Variants in TEAD1 observed in about 807,000 individuals in gnomAD.
TEAD1 encodes the protein transcriptional enhancer factor TEF-1.
Under a neutral mutation model 54.9 loss-of-function variants are expected in TEAD1, and 9 were observed. The ratio of observed to expected loss-of-function variants is 0.16; its 90% CI spans 0.10 to 0.29. The LOEUF is 0.29. Among genes scored for constraint, TEAD1 ranks in the 10% least tolerant of loss-of-function variants. The pLI is 1.00. For synonymous variants in TEAD1, 200 were observed against 187.8 expected, an observed-to-expected ratio of 1.07 and a Z score of -0.53; for missense variants, 387 against 535.9, an observed-to-expected ratio of 0.72 and a Z score of 2.74.
At position 12,691,353 on chromosome 11, in the gene TEAD1, C is replaced by A. The variant is rs139769787; in HGVS notation, c.-55+15792C>A. On this transcript the variant is annotated intron_variant, in intron 2 of 12. Coordinates refer to ENST00000527636, the MANE Select transcript of TEAD1 (RefSeq NM_021961.6). ...TGTGTATTCTGGGAGATAGAATGAA[C>A]CATTTCTGCAGAGTTTGGGTTCCTT... 3.9e-3 allele frequency among the ~76,000 whole-genome samples: 587 copies of A among 152,158 alleles called. 2 individuals are homozygous for A. The highest frequency in any genetic ancestry group is 0.013 in the African/African-American group (558 of 41,484).
At chr11:12,719,958 T>G (rs1330879956) in intron 2 of TEAD1, among the ~76,000 whole-genome samples, 3 of 32,654 alleles carry the variant, frequency 9.2e-5, no homozygotes, top group Non-Finnish European at 5.6e-5. Context: ...TGTTTTTTTT[T>G]TTTTTTTTTT....
chr11:12,764,666 G>A (rs918254623), intron 3 of TEAD1, among the ~76,000 whole-genome samples: 1 of 151,872 alleles, frequency 6.6e-6, no homozygotes, highest in Admixed American at 6.6e-5. Flanking sequence ...ATGTGTAGTG[G>A]CATTACATCA....
rs558506533 is a variant in TEAD1, at chr11:12,924,991, T to C, written c.953T>C (p.Met318Thr). The C allele has an allele frequency of 7.4e-6, 12 of 1,614,092 alleles. No homozygotes were observed. Among genetic ancestry groups the C allele is most frequent in the Non-Finnish European group, 1.0e-5 (12 of 1,180,040 alleles). ...AGTCAGTACGAGAGTTCTGAAAATA[T>C]GACAGTCACCTGTTCCACCAAAGTT... Residue 318 changes from methionine (M) to threonine (T), a missense_variant, in exon 11 of 13, where the codon ATG becomes ACG. Transcript: ENST00000527636.
At chr11:12,846,627 A>G (rs1947158336) in intron 3 of TEAD1, among the ~76,000 whole-genome samples, 1 of 152,134 alleles carries the variant, frequency 6.6e-6, no homozygotes, top group African/African-American at 2.4e-5. Context: ...GCCCTGAGTT[A>G]GCATGTCTGA....
chr11:12,898,904 A>G (rs1490000071), intron 9 of TEAD1, among the ~76,000 whole-genome samples: 1 of 152,124 alleles, frequency 6.6e-6, no homozygotes, highest in East Asian at 1.9e-4. Context: ...CATGGTCCCC[A>G]TTGGTATGTG....
rs117968925 is a variant in TEAD1 at position 12,716,929 on chromosome 11, C to T, written c.-55+41368C>T. ...ACATAGGCGCTGAATGGCTTCCCGC[C>T]CTGAGGTCACAGCTTCTGCTGCTCC... On this transcript the variant is annotated intron_variant, in intron 2 of 12. Coordinates refer to ENST00000527636, the MANE Select transcript of TEAD1 (RefSeq NM_021961.6). Among the ~76,000 whole-genome samples the T allele has an allele frequency of 9.1e-3, 1,386 of 152,314 alleles. 8 individuals carry two copies. The highest frequency in any genetic ancestry group is 0.015 in the Non-Finnish European group (1,046 of 68,028).
intron 10 of TEAD1, among the ~76,000 whole-genome samples, chr11:12,917,089 AG>A (rs997270036): frequency 6.6e-6 from 1 of 152,232 alleles, no homozygotes; most frequent in African/African-American, 2.4e-5. Context: ...GGGAATTAAA[AG>A]TTGTTAATCA....
chr11:12,839,198 G>A (rs890562288), intron 3 of TEAD1, among the ~76,000 whole-genome samples: 22 of 151,836 alleles, frequency 1.4e-4, no homozygotes, highest in Admixed American at 2.0e-4. Flanking sequence ...ATCACCTGAG[G>A]TCAGGAGTTT....
intron 3 of TEAD1, among the ~76,000 whole-genome samples, chr11:12,821,961 C>CCTTTT (rs1946556698): frequency 1.5e-5 from 1 of 68,084 alleles, no homozygotes; most frequent in African/African-American, 6.3e-5. Context: ...TTCTCTTTTC[C>CCTTTT]TTTTTTTTTT....
In TEAD1 at chr11:12,937,287, T is replaced by A. The variant is rs1949119243; in HGVS notation, c.*65T>A. On this transcript the variant is annotated 3_prime_UTR_variant, in exon 13 of 13. Coordinates refer to ENST00000527636, the MANE Select transcript of TEAD1 (RefSeq NM_021961.6). The stretch of plus-strand genomic sequence containing the variant: ...CACACATATGTGCACACACACACTC[T>A]CTCTCCATTATCGAACGACTGACTG... 2 of 1,290,086 alleles carry A rather than the reference T, an allele frequency of 1.6e-6. No individual in the cohort carries two copies. Among genetic ancestry groups the A allele is most frequent in the Non-Finnish European group, 1.1e-6 (1 of 899,344 alleles). The allele number at this position is 1,290,086 out of a possible 1,614,324, so 79.9% of individuals were successfully genotyped here.
intron 5 of TEAD1, chr11:12,878,794 T>C: frequency 1.4e-6 from 1 of 737,880 alleles, no homozygotes; most frequent in Non-Finnish European, 1.9e-6. Flanking sequence ...CATATGTATA[T>C]ATACACATAT....
At chr11:12,682,833 C>T (rs1943251121) in intron 2 of TEAD1, among the ~76,000 whole-genome samples, 1 of 152,156 alleles carries the variant, frequency 6.6e-6, no homozygotes. Flanking sequence ...CATGGCAATC[C>T]AGTGGGAAAG....
At chr11:12,758,405 GTTTTTTT>G (rs1200374096) in intron 2 of TEAD1, among the ~76,000 whole-genome samples, 55 of 85,744 alleles carry the variant, frequency 6.4e-4, no homozygotes, top group African/African-American at 2.5e-3. Flanking sequence ...CGCCCAGCTA[GTTTTTTT>G]TTTTTTTTTT....
intron 3 of TEAD1, among the ~76,000 whole-genome samples, chr11:12,844,088 C>T (rs7104039): frequency 0.022 from 3,364 of 152,242 alleles, 137 homozygotes; most frequent in African/African-American, 0.075. Flanking sequence ...AAAGAATGTA[C>T]ATTAAATATT....
chr11:12,684,603 T>A (rs1399866353), intron 2 of TEAD1, among the ~76,000 whole-genome samples: 2 of 152,206 alleles, frequency 1.3e-5, no homozygotes, highest in Non-Finnish European at 2.9e-5. Flanking sequence ...CTGCTTAGCT[T>A]CTCTGTGCCC....
intron 10 of TEAD1, among the ~76,000 whole-genome samples, chr11:12,920,460 G>A (rs546582837): frequency 1.3e-5 from 2 of 152,072 alleles, no homozygotes; most frequent in African/African-American, 4.8e-5. Context: ...TTATTTCACT[G>A]TGTTCCCTTC....
intron 3 of TEAD1, among the ~76,000 whole-genome samples, chr11:12,804,378 C>A (rs1184840182): frequency 6.6e-6 from 1 of 152,246 alleles, no homozygotes; most frequent in African/African-American, 2.4e-5. Context: ...AGCTTCGCTT[C>A]TTTCTCTGAA....
chr11:12,703,333 C>T (rs1424521606), intron 2 of TEAD1, among the ~76,000 whole-genome samples: 2 of 152,160 alleles, frequency 1.3e-5, no homozygotes, highest in African/African-American at 2.4e-5. Context: ...ATGAGTCAAT[C>T]CACCTCCCCT....
At chr11:12,873,065 G>C (rs1469566061) in intron 5 of TEAD1, among the ~76,000 whole-genome samples, 1 of 152,192 alleles carries the variant, frequency 6.6e-6, no homozygotes, top group Non-Finnish European at 1.5e-5. Context: ...ATGTTCTTCT[G>C]CCTTCCCAAA....
Sources: gnomAD v4.1 joint callset for allele counts (sites outside exome capture counted in the v4.1 genomes callset) on GRCh38, gnomAD v4.1.1 for gene constraint, MANE v1.5 for transcripts, NCBI Gene and HGNC (gene_info 2026-07-23, HGNC 2026-07-21) for gene names.